CMC1: variants seen among roughly 807,000 people sequenced by gnomAD.
CMC1 encodes COX assembly mitochondrial protein homolog.
In CMC1, 14 loss-of-function variants were observed where a neutral mutation model predicts 14.1. That is an observed-to-expected ratio of 0.99 (90% CI 0.66 to 1.55). The LOEUF (loss-of-function observed/expected upper bound fraction) is 1.55. Among genes scored for constraint, CMC1 ranks in the 40% most tolerant of loss-of-function variants. The pLI is 0.00. For synonymous variants in CMC1, 50 were observed against 38.4 expected (o/e 1.30, Z -1.12); for missense variants, 127 against 123.8 (o/e 1.03, Z -0.12).
intron 2 of CMC1, among the ~76,000 whole-genome samples, chr3:28,278,803 C>G (rs1307892632): frequency 6.6e-6 from 1 of 152,142 alleles, no homozygotes; most frequent in East Asian, 1.9e-4. Flanking sequence ...TTATTCCCAA[C>G]CTAGTGTGTT....
In CMC1 at chr3:28,324,048, C is replaced by T; in HGVS notation, c.*4419C>T. On this transcript the variant is annotated 3_prime_UTR_variant, in exon 4 of 4. Coordinates refer to ENST00000466830, the MANE Select transcript of CMC1 (RefSeq NM_182523.2). ...ATCGTGAATCTCTTCCAAATTAATT[C>T]TTATAAAGGCAGTTCTGATTATGTT... 1 of 1,601,132 alleles carries T rather than the reference C, an allele frequency of 6.2e-7. No individual in the cohort carries two copies. Among genetic ancestry groups the T allele is most frequent in the Non-Finnish European group, 8.5e-7 (1 of 1,171,334 alleles).
At chr3:28,279,403 C>T (rs777058210) in intron 2 of CMC1, among the ~76,000 whole-genome samples, 52 of 152,214 alleles carry the variant, frequency 3.4e-4, no homozygotes, top group Non-Finnish European at 5.4e-4. Context: ...TCGTATTACT[C>T]ACAACATTTG....
At chr3:28,260,246 G>T (rs1699664252) in intron 1 of CMC1, among the ~76,000 whole-genome samples, 1 of 151,946 alleles carries the variant, frequency 6.6e-6, no homozygotes, top group South Asian at 2.1e-4. Flanking sequence ...TTTTGCATCT[G>T]TGTTCATGAG....
intron 2 of CMC1, 26 bp from the exon 3 acceptor site, chr3:28,316,307 A>AT: frequency 7.8e-7 from 1 of 1,287,630 alleles, no homozygotes. Context: ...ATTACAAGTA[A>AT]TTTTTTCCTT....
Position 28,316,317 on chromosome 3 carries a change from TCCAAA to T in CMC1, c.110-15_110-11del. The T allele has an allele frequency of 6.9e-7, 1 of 1,440,194 alleles. No individual in the cohort carries two copies. 89.2% of individuals were successfully genotyped at this position (1,440,194 alleles called of 1,614,324 possible). On this transcript the variant is annotated splice_polypyrimidine_tract_variant and intron_variant, in intron 2 of 3. Transcript: ENST00000466830. ...ATATAATTACAAGTAATTTTTTCCT[TCCAAA>T]TTTATTTCAGATTTTACCAAATGTT... is the stretch of plus-strand genomic sequence containing the variant.
intron 2 of CMC1, among the ~76,000 whole-genome samples, chr3:28,267,309 A>AATTC (rs1390828959): frequency 3.9e-5 from 6 of 152,078 alleles, no homozygotes; most frequent in African/African-American, 1.4e-4. Context: ...GCTTTTTTTG[A>AATTC]AGTGCATAGT....
intron 1 of CMC1, among the ~76,000 whole-genome samples, chr3:28,245,808 T>G (rs1698793096): frequency 6.6e-6 from 1 of 152,156 alleles, no homozygotes; most frequent in Non-Finnish European, 1.5e-5. Context: ...TGTAGGTAAA[T>G]TACCTTTAGG....
intron 2 of CMC1, among the ~76,000 whole-genome samples, chr3:28,267,512 C>T (rs1700066698): frequency 6.6e-6 from 1 of 152,090 alleles, no homozygotes; most frequent in African/African-American, 2.4e-5. Context: ...GCCCTCTTTT[C>T]CCTTATTTTA....
intron 3 of CMC1, chr3:28,318,259 G>C (rs889273175): frequency 4.6e-5 from 7 of 151,062 alleles, no homozygotes; most frequent in African/African-American, 1.7e-4. Context: ...TCTGATTTCT[G>C]TCCTCACATC....
At chr3:28,294,062 T>C (rs933994032) in intron 2 of CMC1, among the ~76,000 whole-genome samples, 1 of 152,190 alleles carries the variant, frequency 6.6e-6, no homozygotes, top group Non-Finnish European at 1.5e-5. Context: ...AGAGTAAATA[T>C]GAAGGCAGTG....
chr3:28,253,019 A>T (rs941044901), intron 1 of CMC1, among the ~76,000 whole-genome samples: 1 of 151,936 alleles, frequency 6.6e-6, no homozygotes, highest in African/African-American at 2.4e-5. Flanking sequence ...AAGAAGGTGA[A>T]TTTTCCTATT....
chr3:28,241,900 A>C, intron 1 of CMC1, 88 bp downstream of exon 1: 1 of 1,196,516 alleles, frequency 8.4e-7, no homozygotes. Context: ...GACCTGGGAA[A>C]GGTGCAGAGC....
chr3:28,285,890 C>T (rs745313689), intron 2 of CMC1, among the ~76,000 whole-genome samples: 5 of 151,920 alleles, frequency 3.3e-5, no homozygotes, highest in Admixed American at 6.6e-5. Flanking sequence ...CTTCAGCCTC[C>T]CGAGTAGCTG....
chr3:28,259,607 C>T (rs1699624733), intron 1 of CMC1, among the ~76,000 whole-genome samples: 1 of 152,090 alleles, frequency 6.6e-6, no homozygotes, highest in Admixed American at 6.5e-5. Flanking sequence ...ATGACATCTG[C>T]ATCATGAGGA....
In CMC1 at chr3:28,323,112, AAATAG is replaced by A. The variant is rs991879672; in HGVS notation, c.*3488_*3492del. On this transcript the variant is annotated 3_prime_UTR_variant, in exon 4 of 4. Transcript: ENST00000466830. ...AATAATTTTAAATCACTTTCTCAAT[AAATAG>A]AATATTACATTTCAACACAAAGTCT... 6.6e-6 allele frequency: 1 copy of A among 151,190 alleles called. No individual in the cohort carries two copies. The highest frequency in any genetic ancestry group is 2.4e-5 in the African/African-American group (1 of 41,318). 9.4% of individuals were successfully genotyped at this position (151,190 alleles called of 1,614,324 possible). A position where few individuals can be genotyped will look rare whatever the true frequency, so the allele number is the denominator to read the frequency against.
rs894569236 is a variant in CMC1 at position 28,253,725 on chromosome 3, C to T, written c.20-9566C>T. On this transcript the variant is annotated intron_variant, in intron 1 of 3. Coordinates refer to ENST00000466830, the MANE Select transcript of CMC1 (RefSeq NM_182523.2). ...ATTACAAGCATTTTTCATGTTTTTC[C>T]TACAGAGTAAACAGTAGCACCAAAC... The T allele has an allele frequency of 6.2e-6, 8 of 1,281,394 alleles. No homozygotes were observed. The Admixed American group carries it at 9.3e-5, about 15-fold the overall frequency. 79.4% of individuals were successfully genotyped at this position (1,281,394 alleles called of 1,614,324 possible). A position where few individuals can be genotyped will look rare whatever the true frequency, so the allele number is the denominator to read the frequency against.
At chr3:28,262,485 A>T (rs1252895659) in intron 1 of CMC1, among the ~76,000 whole-genome samples, 2 of 152,184 alleles carry the variant, frequency 1.3e-5, no homozygotes, top group East Asian at 1.9e-4. Context: ...ACTTTAATTA[A>T]TAACTGTTTA....
At chr3:28,282,818 T>C (rs1173227782) in intron 2 of CMC1, among the ~76,000 whole-genome samples, 1 of 152,226 alleles carries the variant, frequency 6.6e-6, no homozygotes, top group Non-Finnish European at 1.5e-5. Context: ...TTGGTTTTAA[T>C]GACAATCAAA....
chr3:28,241,878 G>T (rs994890405), intron 1 of CMC1, 66 bp downstream of exon 1: 1 of 1,229,014 alleles, frequency 8.1e-7, no homozygotes. Context: ...CGGGCCATGC[G>T]GGCTGGATGC....
Sources: allele counts gnomAD v4.1 joint callset (sites outside exome capture counted in the v4.1 genomes callset), GRCh38; gene constraint gnomAD v4.1.1; transcripts MANE v1.5; gene names NCBI Gene and HGNC (gene_info 2026-07-23, HGNC 2026-07-21).